Variants in BCL11A observed in about 807,000 individuals in gnomAD.
BCL11A encodes BCL11 transcription factor A.
In BCL11A, 2 loss-of-function variants were observed where a neutral mutation model predicts 55.9. The observed-to-expected ratio is 0.04, with a 90% CI of 0.01 to 0.11. The LOEUF (loss-of-function observed/expected upper bound fraction) is 0.11. BCL11A is among the 10% of genes least tolerant of loss of function. The probability of loss-of-function intolerance (pLI) is 1.00; values close to 1 mark genes in which losing one functional copy is unlikely to be tolerated. For synonymous variants in BCL11A, 465 were observed against 473.4 expected, an observed-to-expected ratio of 0.98 and a Z score of 0.23; for missense variants, 817 against 1,137.1, an observed-to-expected ratio of 0.72 and a Z score of 4.05.
chr2:60,509,171 A>AC (rs1386944729), intron 2 of BCL11A, among the ~76,000 whole-genome samples: 3 of 152,150 alleles, frequency 2.0e-5, no homozygotes, highest in African/African-American at 7.2e-5. Context: ...CTTGCAAATT[A>AC]CCCCCCAATA....
chr2:60,503,215 G>T (rs1296931975), intron 2 of BCL11A, among the ~76,000 whole-genome samples: 1 of 152,194 alleles, frequency 6.6e-6, no homozygotes, highest in East Asian at 1.9e-4. Context: ...CCTTGATCAT[G>T]TTAGCCCCAT....
chr2:60,470,587 A>G (rs1204098005), intron 2 of BCL11A, among the ~76,000 whole-genome samples: 2 of 152,168 alleles, frequency 1.3e-5, no homozygotes, highest in South Asian at 4.1e-4. Flanking sequence ...TACTCTGGGA[A>G]GAGACCCTGA....
chr2:60,484,338 C>G (rs1489935138), intron 2 of BCL11A: 1 of 152,490 alleles, frequency 6.6e-6, no homozygotes, highest in Admixed American at 6.5e-5. Flanking sequence ...CCCCTGCCTC[C>G]TCTCTTCCCC....
At chr2:60,467,114 G>GTGA (rs1676674459) in intron 3 of BCL11A, among the ~76,000 whole-genome samples, 1 of 123,276 alleles carries the variant, frequency 8.1e-6, no homozygotes, top group Non-Finnish European at 1.8e-5. Context: ...GGTGGTAGTG[G>GTGA]TGGTGGTGGT....
intron 2 of BCL11A, among the ~76,000 whole-genome samples, chr2:60,497,027 G>C (rs984770537): frequency 6.6e-6 from 1 of 152,206 alleles, no homozygotes; most frequent in Non-Finnish European, 1.5e-5. Context: ...CTCTCACATG[G>C]AAGGAAGCAA....
chr2:60,503,544 T>C (rs1371932425), intron 2 of BCL11A, among the ~76,000 whole-genome samples: 6 of 152,120 alleles, frequency 3.9e-5, no homozygotes, highest in Non-Finnish European at 8.8e-5. Context: ...GGGAAAATAA[T>C]GTGTGGCGCT....
intron 1 of BCL11A, among the ~76,000 whole-genome samples, chr2:60,549,088 G>A (rs2104770602): frequency 6.6e-6 from 1 of 152,294 alleles, no homozygotes; most frequent in South Asian, 2.1e-4. Flanking sequence ...AAGTGGAAGG[G>A]AGTGGGCAAA....
chr2:60,452,885 C>T, downstream of BCL11A: 1 of 493,330 alleles, frequency 2.0e-6, no homozygotes, highest in South Asian at 2.2e-5. Flanking sequence ...CCTTCCGTCC[C>T]CCCAAGGAGG....
intron 2 of BCL11A, among the ~76,000 whole-genome samples, chr2:60,492,137 G>A (rs1242354014): frequency 6.6e-6 from 1 of 152,174 alleles, no homozygotes. Flanking sequence ...AGCACTTTGG[G>A]AGGTCAAGGC....
intron 2 of BCL11A, among the ~76,000 whole-genome samples, chr2:60,524,222 C>T (rs1324497151): frequency 2.0e-5 from 3 of 152,286 alleles, no homozygotes; most frequent in East Asian, 1.9e-4. Context: ...AACAATACAA[C>T]GGCTGATACA....
intron 2 of BCL11A, chr2:60,537,482 A>G (rs371299160): frequency 1.4e-4 from 22 of 152,366 alleles, no homozygotes; most frequent in African/African-American, 4.1e-4. Flanking sequence ...GAGTTGGTGA[A>G]GGAGAATACT....
intron 3 of BCL11A, among the ~76,000 whole-genome samples, chr2:60,462,882 C>G (rs917944357): frequency 6.6e-6 from 1 of 152,188 alleles, no homozygotes; most frequent in Non-Finnish European, 1.5e-5. Context: ...TCTATTCCCC[C>G]CTGGGTGACA....
intron 2 of BCL11A, among the ~76,000 whole-genome samples, chr2:60,520,016 A>C (rs948544859): frequency 2.6e-5 from 4 of 152,216 alleles, no homozygotes; most frequent in African/African-American, 9.6e-5. Flanking sequence ...TATCCTCTTC[A>C]AATAATTCGG....
At chr2:60,509,220 G>A (rs890623912) in intron 2 of BCL11A, among the ~76,000 whole-genome samples, 6 of 152,238 alleles carry the variant, frequency 3.9e-5, no homozygotes, top group Non-Finnish European at 7.3e-5. Flanking sequence ...TGGATGTTAT[G>A]AGGATTCCAA....
chr2:60,544,979 C>A (rs1319930458), intron 2 of BCL11A: 1 of 152,234 alleles, frequency 6.6e-6, no homozygotes, highest in African/African-American at 2.4e-5. Context: ...CACCTAGCTG[C>A]CTCCCTGCTA....
chr2:60,480,269 TC>T (rs1348423965), intron 2 of BCL11A, among the ~76,000 whole-genome samples: 1 of 152,226 alleles, frequency 6.6e-6, no homozygotes, highest in Non-Finnish European at 1.5e-5. Flanking sequence ...TTCTCCTGGA[TC>T]CAAGTCTCCC....
chr2:60,488,646 C>T (rs1678429399), intron 2 of BCL11A, among the ~76,000 whole-genome samples: 1 of 152,158 alleles, frequency 6.6e-6, no homozygotes, highest in African/African-American at 2.4e-5. Context: ...TCTAGTTTTG[C>T]TTAACATGAA....
In BCL11A at chr2:60,459,047, T is replaced by C. The variant is rs111694591; in HGVS notation, c.*1357A>G. 3.1e-4 allele frequency: 314 copies of C among 1,017,228 alleles called. 1 individual carries two copies. The East Asian group carries it at 6.6e-3, about 21-fold the overall frequency. The allele number at this position is 1,017,228 out of a possible 1,614,324, so 63.0% of individuals were successfully genotyped here. On this transcript the variant is annotated 3_prime_UTR_variant, in exon 4 of 4. Transcript: ENST00000642384. ...TTTAAATGCAAGTCTTAAGAATTCA[T>C]AGTTAATCATCATTGTATCAATATT...
chr2:60,467,695 G>GGTGGTGGTA (rs1676858484), intron 3 of BCL11A, among the ~76,000 whole-genome samples: 2 of 84,574 alleles, frequency 2.4e-5, no homozygotes, highest in African/African-American at 8.6e-5. Context: ...TGGTGGTGGT[G>GGTGGTGGTA]GTGATGGTAC....
Sources: gnomAD v4.1 joint callset for allele counts (sites outside exome capture counted in the v4.1 genomes callset) on GRCh38, gnomAD v4.1.1 for gene constraint, MANE v1.5 for transcripts, NCBI Gene and HGNC (gene_info 2026-07-23, HGNC 2026-07-21) for gene names.